RC3H1: variants seen among roughly 807,000 people sequenced by gnomAD.
RC3H1 encodes ring finger and CCCH-type domains 1, also known as roquin-1.
RC3H1 carries 50 observed loss-of-function variants against 138.2 expected under a neutral mutation model. The observed-to-expected ratio is 0.36, with a 90% CI of 0.29 to 0.46. The LOEUF is 0.46. RC3H1 is among the 20% of genes least tolerant of loss of function. RC3H1 has a pLI of 1.00. For synonymous variants in RC3H1, 462 were observed against 489.1 expected (o/e 0.94, Z 0.73); for missense variants, 1,031 against 1,388.1 (o/e 0.74, Z 4.09).
chr1:173,967,627 C>A (rs2102954642), intron 9 of RC3H1, among the ~76,000 whole-genome samples: 1 of 152,312 alleles, frequency 6.6e-6, no homozygotes, highest in Non-Finnish European at 1.5e-5. Flanking sequence ...AGTATTTCTT[C>A]CGTAAACTAT....
Position 174,022,323 on chromosome 1 carries a change from C to T in RC3H1, c.-378G>A, listed in dbSNP as rs1661987267. 7.9e-6 allele frequency: 3 copies of T among 380,794 alleles called. No individual in the cohort carries two copies. In the East Asian group the frequency reaches 1.1e-4, roughly 14 times the overall value. The allele number at this position is 380,794 out of a possible 1,614,324, so 23.6% of individuals were successfully genotyped here. On this transcript the variant is annotated 5_prime_UTR_variant, in exon 1 of 20. Coordinates refer to ENST00000367696, the MANE Select transcript of RC3H1 (RefSeq NM_172071.4). This position sits in a 1 kb window ranked among gnomAD's most constrained non-coding sequence, Gnocchi z 4.2. ...TCTTGTTGCTCGGCCTCCTCTTCCT[C>T]CTCCTCGTCCTCCGCCGCCCAGTCG...
At chr1:174,003,385 T>TCACACACACACACACACACACACACA in intron 1 of RC3H1, among the ~76,000 whole-genome samples, 1 of 143,326 alleles carries the variant, frequency 7.0e-6, no homozygotes, top group South Asian at 2.3e-4. Flanking sequence ...AAGACTCCTA[T>TCACACACACACACACACACACACACA]CACACACACA....
In RC3H1 at chr1:173,972,642, A is replaced by G. The variant is rs1660414126; in HGVS notation, c.1103-15T>C. ...AGGAGGAGCATCTATACAACCAATG[A>G]TAATGTTTTAAACTCTAATGTTACT... On this transcript the variant is annotated splice_polypyrimidine_tract_variant and intron_variant, in intron 7 of 19. Transcript: ENST00000367696. 3 of 1,540,550 alleles carry G rather than the reference A, an allele frequency of 1.9e-6. No individual in the cohort carries two copies. In the South Asian group the frequency reaches 3.4e-5, roughly 17 times the overall value.
At chr1:173,981,125 A>T in intron 5 of RC3H1, 116 bp from the exon 6 acceptor site, 1 of 801,226 alleles carries the variant, frequency 1.2e-6, no homozygotes, top group Non-Finnish European at 1.9e-6. Flanking sequence ...AAATGAATAT[A>T]CCATTTGCCT....
Position 173,982,828 on chromosome 1 carries a change from C to T in RC3H1, c.667G>A (p.Val223Ile), listed in dbSNP as rs1489931027. 1 of 1,613,750 alleles carries T rather than the reference C, an allele frequency of 6.2e-7. No homozygotes were observed. The highest frequency in any genetic ancestry group is 8.5e-7 in the Non-Finnish European group (1 of 1,179,918). Residue 223 changes from valine to isoleucine, a missense_variant, in exon 5 of 20, where the codon GTT becomes ATT. Val to Ile is a conservative substitution (Grantham distance 29, BLOSUM62 3). Around this residue, in one of 7 missense-constraint regions of RC3H1, gnomAD observed 53 missense variants for 137.4 expected, o/e 0.39. Transcript: ENST00000367696. ...TCCAATCTTTGCACCACAAACAGAA[C>T]CAATACTTTTCTTGACAAAGCAGAA... ...DGSALSRKVL[V>I]LFVVQRLEPR... is the part of the protein sequence containing the mutation.
chr1:173,994,994 C>T (rs1046431139), intron 1 of RC3H1, among the ~76,000 whole-genome samples: 1 of 151,898 alleles, frequency 6.6e-6, no homozygotes, highest in African/African-American at 2.4e-5. Flanking sequence ...AATCACATAA[C>T]TAAATATATA....
chr1:173,951,474 T>G (rs1342149537), intron 14 of RC3H1, among the ~76,000 whole-genome samples: 1 of 152,228 alleles, frequency 6.6e-6, no homozygotes, highest in Admixed American at 6.5e-5. Flanking sequence ...GCAGCTATAA[T>G]TCTGACTCAA....
intron 9 of RC3H1, among the ~76,000 whole-genome samples, chr1:173,967,850 T>C (rs1294034268): frequency 6.6e-6 from 1 of 152,126 alleles, no homozygotes; most frequent in East Asian, 1.9e-4. Flanking sequence ...CTTAAAAAAA[T>C]CTTTTCCTTC....
At chr1:173,976,799 T>G (rs553255790) in intron 7 of RC3H1, among the ~76,000 whole-genome samples, 1 of 152,256 alleles carries the variant, frequency 6.6e-6, no homozygotes, top group Admixed American at 6.5e-5. Flanking sequence ...TCTATAAAAG[T>G]AGGCTGATAA....
At position 173,983,429 on chromosome 1, in the gene RC3H1, A is replaced by C; in HGVS notation, c.581T>G (p.Phe194Cys). 1 of 1,614,196 alleles carries C rather than the reference A, an allele frequency of 6.2e-7. No individual in the cohort carries two copies. The highest frequency in any genetic ancestry group is 8.5e-7 in the Non-Finnish European group (1 of 1,180,008). ...AGTTAATTATGTACCTGGTCCAAGGAACTGGCATCCCCTAGCCCTTACTGC... is the reference window on the plus strand; with the variant it reads ...AGTTAATTATGTACCTGGTCCAAGGCACTGGCATCCCCTAGCCCTTACTGC... The part of the protein sequence containing the change: ...WAAVRARGCQ[F>C]LGPAMQEEAL... The change falls in exon 4 of 20, where the codon TTC (phenylalanine) becomes TGC (cysteine). Residue 194 changes from phenylalanine to cysteine, a missense_variant. This residue lies in a region of RC3H1 where 53 missense variants were observed against 137.4 expected (regional missense o/e 0.39). Coordinates refer to ENST00000367696, the MANE Select transcript of RC3H1 (RefSeq NM_172071.4).
rs1571198005 is a variant in RC3H1 at position 173,964,718 on chromosome 1, A to T, written c.1616+121T>A. 7 of 1,017,254 alleles carry T rather than the reference A, an allele frequency of 6.9e-6. No individual in the cohort carries two copies. The East Asian group carries it at 1.8e-4, about 26-fold the overall frequency. 63.0% of individuals were successfully genotyped at this position (1,017,254 alleles called of 1,614,324 possible). A position where few individuals can be genotyped will look rare whatever the true frequency, so the allele number is the denominator to read the frequency against. ...AGCATGGGAAATAAAAAAGCAACAAAATAAAGGCCAAAAAAAATAATCAGG... is the reference window on the plus strand; with the variant it reads ...AGCATGGGAAATAAAAAAGCAACAATATAAAGGCCAAAAAAAATAATCAGG... On this transcript the variant is annotated intron_variant, in intron 10 of 19. Transcript: ENST00000367696.
rs746092423 is a variant in RC3H1 at position 173,970,609 on chromosome 1, C to T, written c.1230G>A (p.Gln410=). Reference sequence around the variant, plus strand: ...ACATGTATGTTTTGTATTTGCTATGCTGTGGAGGCTAAAACCAAAATCAAA... The same window carrying T: ...ACATGTATGTTTTGTATTTGCTATGTTGTGGAGGCTAAAACCAAAATCAAA... ...KKGADQQQPP[Q]HSKYKTYMCR... Residue 410 remains glutamine, a synonymous_variant, in exon 9 of 20, where the codon CAG becomes CAA. Coordinates refer to ENST00000367696, the MANE Select transcript of RC3H1 (RefSeq NM_172071.4). 1.9e-5 allele frequency: 30 copies of T among 1,611,266 alleles called. No individual in the cohort carries two copies. In the South Asian group the frequency reaches 2.8e-4, roughly 15 times the overall value.
At chr1:173,956,655 A>G (rs1571186515) in intron 13 of RC3H1, among the ~76,000 whole-genome samples, 1 of 144,314 alleles carries the variant, frequency 6.9e-6, no homozygotes, top group East Asian at 2.0e-4. Flanking sequence ...GTGAAACTCC[A>G]CCTCAAAAAA....
chr1:173,959,366 C>T (rs1187674856), intron 13 of RC3H1, among the ~76,000 whole-genome samples: 3 of 151,950 alleles, frequency 2.0e-5, no homozygotes, highest in Non-Finnish European at 4.4e-5. Flanking sequence ...CATTGGTTAT[C>T]GAGGAATAAA....
At position 174,017,798 on chromosome 1, in the gene RC3H1, A is replaced by AAAAAAAAC. The variant is rs1474900947; in HGVS notation, c.-151+4297_-151+4298insGTTTTTTT. ...TTTTCTTGCTCAAAAAAAAAAAAAA[A>AAAAAAAAC]AAAAAAAAAAAACTGCTACCATGTT... is the stretch of plus-strand genomic sequence containing the variant. On this transcript the variant is annotated intron_variant, in intron 1 of 19. Transcript: ENST00000367696. 3.3e-5 allele frequency among the ~76,000 whole-genome samples: 5 copies of AAAAAAAAC among 150,774 alleles called. No individual in the cohort carries two copies. The South Asian group carries it at 8.3e-4, about 25-fold the overall frequency.
rs1396685072 is a variant in RC3H1 at position 173,992,790 on chromosome 1, C to G, written c.196G>C (p.Val66Leu). Residue 66 changes from valine to leucine, a missense_variant, in exon 2 of 20, where the codon GTG becomes CTG. By Grantham distance (32) the Val-to-Leu change is conservative. Around this residue, in one of 7 missense-constraint regions of RC3H1, gnomAD observed 80 missense variants for 81.1 expected, o/e 0.99. Transcript: ENST00000367696. ...TINTDIELLP[V>L]NSALLQLVGA... The stretch of plus-strand genomic sequence containing the variant: ...ACGAGCTGCAGCAATGCTGAGTTCA[C>G]AGGGAGGAGCTCAATGTCTGTATTG... 6.2e-7 allele frequency: 1 copy of G among 1,614,048 alleles called. No homozygotes were observed. The highest frequency in any genetic ancestry group is 8.5e-7 in the Non-Finnish European group (1 of 1,179,998).
At chr1:174,014,694 A>C (rs1661828686) in intron 1 of RC3H1, among the ~76,000 whole-genome samples, 1 of 152,212 alleles carries the variant, frequency 6.6e-6, no homozygotes, top group Non-Finnish European at 1.5e-5. Flanking sequence ...ACTATACTAA[A>C]GATATTATTA....
chr1:173,984,899 T>C (rs1201204565), intron 2 of RC3H1, among the ~76,000 whole-genome samples: 2 of 152,194 alleles, frequency 1.3e-5, no homozygotes, highest in African/African-American at 4.8e-5. Flanking sequence ...TGTCCAAACA[T>C]AACCACAATC....
chr1:173,969,414 T>C (rs557788310), intron 9 of RC3H1: 2 of 151,844 alleles, frequency 1.3e-5, no homozygotes, highest in South Asian at 4.1e-4. Flanking sequence ...CTCAGGTGGA[T>C]TCAGGGTGTT....
Sources: gnomAD v4.1 joint callset for allele counts (sites outside exome capture counted in the v4.1 genomes callset) on GRCh38, gnomAD v4.1.1 for gene constraint, gnomAD v4.1.1 regional missense constraint, Gnocchi (gnomAD v3.1) non-coding constraint, MANE v1.5 for transcripts, NCBI Gene and HGNC (gene_info 2026-07-23, HGNC 2026-07-21) for gene names.